PRKCH: variants seen among roughly 807,000 people sequenced by gnomAD.
PRKCH encodes protein kinase C eta type.
A neutral mutation model predicts 82.5 loss-of-function variants in PRKCH; 28 were observed. The ratio of observed to expected loss-of-function variants is 0.34; its 90% CI spans 0.25 to 0.47. The LOEUF is 0.47. PRKCH is among the 20% of genes least tolerant of loss of function. The pLI, the probability that PRKCH is intolerant of heterozygous loss-of-function variation, is 1.00. For missense variants in PRKCH, 705 were observed against 881.8 expected, an observed-to-expected ratio of 0.80 and a Z score of 2.54; for synonymous variants, 322 against 327.4, an observed-to-expected ratio of 0.98 and a Z score of 0.18.
chr14:61,313,180 G>A (rs1407385476), intron 1 of PRKCH, among the ~76,000 whole-genome samples: 6 of 152,150 alleles, frequency 3.9e-5, no homozygotes, highest in African/African-American at 1.4e-4. Context: ...TAAAGAGAAT[G>A]ATGCTATTAC....
At chr14:61,272,340 C>T (rs967890543) in intron 1 of PRKCH, among the ~76,000 whole-genome samples, 4 of 97,800 alleles carry the variant, frequency 4.1e-5, no homozygotes, top group African/African-American at 8.0e-5. Context: ...TTTCTTTTTT[C>T]TTTCTTTTTT....
chr14:61,197,300 G>A (rs2044448000), intron 1 of PRKCH, among the ~76,000 whole-genome samples: 1 of 152,184 alleles, frequency 6.6e-6, no homozygotes, highest in East Asian at 1.9e-4. Flanking sequence ...TCTAGTTTTA[G>A]ATGTGTTTGT....
At chr14:61,285,460 C>T (rs2045306887) in intron 1 of PRKCH, among the ~76,000 whole-genome samples, 1 of 152,196 alleles carries the variant, frequency 6.6e-6, no homozygotes. Context: ...TCTCTGTTCT[C>T]ATGATTGCTT....
intron 2 of PRKCH, among the ~76,000 whole-genome samples, chr14:61,403,094 T>A (rs777765587): frequency 1.3e-4 from 20 of 152,080 alleles, no homozygotes; most frequent in Non-Finnish European, 8.8e-5. Context: ...ATAATGCCAC[T>A]CTCTCTATCT....
intron 1 of PRKCH, among the ~76,000 whole-genome samples, chr14:61,265,314 C>T (rs2045088545): frequency 6.6e-6 from 1 of 152,022 alleles, no homozygotes; most frequent in African/African-American, 2.4e-5. Flanking sequence ...AACCCTGTCT[C>T]TACAAAAAAT....
intron 5 of PRKCH, among the ~76,000 whole-genome samples, chr14:61,449,904 G>C (rs199690386): frequency 0.011 from 1,478 of 136,612 alleles, 12 homozygotes; most frequent in African/African-American, 0.04. Context: ...CTCTCTCTGT[G>C]TGTGTGTGTG....
intron 1 of PRKCH, chr14:61,360,929 A>T (rs918444898): frequency 6.6e-6 from 1 of 152,212 alleles, no homozygotes; most frequent in East Asian, 1.9e-4. Context: ...GGGGTGATGG[A>T]CTTCTGCAGT....
chr14:61,455,856 G>T (rs1444971449), intron 7 of PRKCH, among the ~76,000 whole-genome samples: 1 of 152,124 alleles, frequency 6.6e-6, no homozygotes, highest in East Asian at 1.9e-4. Flanking sequence ...ACATCCTCAG[G>T]TACTCAGTAG....
At chr14:61,259,821 G>C (rs189539255) in intron 1 of PRKCH, among the ~76,000 whole-genome samples, 3 of 152,066 alleles carry the variant, frequency 2.0e-5, no homozygotes, top group Admixed American at 2.0e-4. Flanking sequence ...CATTTTCCCC[G>C]ATTTGTTTTA....
intron 1 of PRKCH, among the ~76,000 whole-genome samples, chr14:61,297,653 G>A (rs2140102117): frequency 6.6e-6 from 1 of 152,336 alleles, no homozygotes; most frequent in South Asian, 2.1e-4. Context: ...TAAATCCGCT[G>A]TTCAGGATAG....
At chr14:61,419,880 G>A (rs1002464688) in intron 2 of PRKCH, among the ~76,000 whole-genome samples, 2 of 152,238 alleles carry the variant, frequency 1.3e-5, no homozygotes, top group African/African-American at 2.4e-5. Context: ...GAAGGGTGGT[G>A]TCTGCCTTAC....
At chr14:61,195,859 C>G (rs1332493146) in intron 1 of PRKCH, among the ~76,000 whole-genome samples, 1 of 152,108 alleles carries the variant, frequency 6.6e-6, no homozygotes, top group East Asian at 1.9e-4. Flanking sequence ...AGGATCAAGG[C>G]CCCACCCTTA....
At chr14:61,463,069 A>G (rs1242865683) in intron 9 of PRKCH, 1 of 152,258 alleles carries the variant, frequency 6.6e-6, no homozygotes, top group Non-Finnish European at 1.5e-5. Flanking sequence ...CCTTGGGAAC[A>G]GAAAACCTGA....
intron 1 of PRKCH, chr14:61,390,972 T>A: frequency 2.7e-6 from 1 of 374,466 alleles, no homozygotes; most frequent in Non-Finnish European, 4.7e-6. Flanking sequence ...CTGTCTATAT[T>A]ATGACAAGCC....
intron 1 of PRKCH, among the ~76,000 whole-genome samples, chr14:61,188,744 A>C (rs1222593768): frequency 1.6e-5 from 1 of 64,162 alleles, no homozygotes; most frequent in African/African-American, 4.7e-5. Context: ...TGTGTGATGG[A>C]GTTTTGCTCT....
chr14:61,492,445 G>A (rs1198578136), intron 10 of PRKCH: 1 of 152,154 alleles, frequency 6.6e-6, no homozygotes, highest in Non-Finnish European at 1.5e-5. Context: ...GGTGTGAAAC[G>A]TCCAAAAATT....
chr14:61,548,032 G>A, intron 13 of PRKCH, 146 bp downstream of exon 13: 1 of 1,028,774 alleles, frequency 9.7e-7, no homozygotes, highest in Non-Finnish European at 1.4e-6. Context: ...CCCCTGGGGG[G>A]AATCTGGGCT....
intron 1 of PRKCH, among the ~76,000 whole-genome samples, chr14:61,214,112 G>T (rs879262718): frequency 3.3e-5 from 5 of 152,190 alleles, no homozygotes; most frequent in African/African-American, 1.2e-4. Context: ...GTCACACTGT[G>T]GGGGGTGTAC....
chr14:61,505,979 G>A (rs777663065), intron 10 of PRKCH, among the ~76,000 whole-genome samples: 8 of 152,116 alleles, frequency 5.3e-5, no homozygotes, highest in Non-Finnish European at 1.0e-4. Flanking sequence ...CAGACCCACA[G>A]GAAGTGTCCC....
Sources: allele counts gnomAD v4.1 joint callset (sites outside exome capture counted in the v4.1 genomes callset), GRCh38; gene constraint gnomAD v4.1.1; transcripts MANE v1.5; gene names NCBI Gene and HGNC (gene_info 2026-07-23, HGNC 2026-07-21).